Variants in USP25 observed in about 807,000 individuals in gnomAD.
USP25 encodes ubiquitin carboxyl-terminal hydrolase 25.
A neutral mutation model predicts 158.5 loss-of-function variants in USP25; 85 were observed. That is an observed-to-expected ratio of 0.54 (90% CI 0.45 to 0.64). USP25 has a LOEUF of 0.64. Ranked by LOEUF, USP25 falls within the 30% of genes least tolerant of loss-of-function variation. USP25 has a pLI of 0.00. For synonymous variants in USP25, 464 were observed against 460.4 expected (o/e 1.01, Z -0.10); for missense variants, 1,242 against 1,327.3 (o/e 0.94, Z 1.00).
intron 17 of USP25, among the ~76,000 whole-genome samples, chr21:15,839,767 G>A (rs879132070): frequency 1.3e-5 from 2 of 151,960 alleles, no homozygotes; most frequent in Admixed American, 1.3e-4. Flanking sequence ...CCACTTCCCT[G>A]TGAGTAGCCT....
chr21:15,863,860 C>A (rs1401106877), intron 20 of USP25, among the ~76,000 whole-genome samples: 1 of 151,740 alleles, frequency 6.6e-6, no homozygotes, highest in African/African-American at 2.4e-5. Flanking sequence ...CATAGTGAAA[C>A]CCCATCTCTA....
chr21:15,812,858 A>G (rs928851014), intron 9 of USP25, among the ~76,000 whole-genome samples: 9 of 152,080 alleles, frequency 5.9e-5, no homozygotes, highest in African/African-American at 9.7e-5. Context: ...TTTCAAACCA[A>G]TGGTTCTTCA....
At chr21:15,786,203 G>A (rs2123568102) in intron 4 of USP25, among the ~76,000 whole-genome samples, 1 of 152,190 alleles carries the variant, frequency 6.6e-6, no homozygotes, top group Middle Eastern at 3.4e-3. Flanking sequence ...GCTGAAGTGT[G>A]TCAAACATTT....
intron 17 of USP25, among the ~76,000 whole-genome samples, chr21:15,834,551 G>C (rs1475547239): frequency 6.6e-6 from 1 of 152,084 alleles, no homozygotes; most frequent in South Asian, 2.1e-4. Flanking sequence ...ACCTGGTTGG[G>C]CTTCAGCATT....
intron 5 of USP25, among the ~76,000 whole-genome samples, chr21:15,794,497 A>G (rs1027881268): frequency 3.3e-5 from 5 of 151,564 alleles, no homozygotes; most frequent in Admixed American, 6.6e-5. Context: ...TGAGTTAGCT[A>G]TTTGGAGGTG....
intron 21 of USP25, 74 bp downstream of exon 21, chr21:15,864,520 T>C: frequency 7.3e-7 from 1 of 1,368,486 alleles, no homozygotes; most frequent in South Asian, 1.5e-5. Context: ...AGGATAATTT[T>C]TTGAGTATTT....
intron 1 of USP25, among the ~76,000 whole-genome samples, chr21:15,757,921 G>T (rs74712252): frequency 0.07 from 10,652 of 152,246 alleles, 472 homozygotes; most frequent in East Asian, 0.092. Flanking sequence ...TTACTTTGTG[G>T]TTATTAATTT....
chr21:15,772,907 GC>G (rs1417807245), intron 3 of USP25, among the ~76,000 whole-genome samples: 2 of 152,142 alleles, frequency 1.3e-5, no homozygotes, highest in African/African-American at 4.8e-5. Context: ...TCAGGATTCA[GC>G]TATCTTTCAG....
chr21:15,852,521 G>A (rs1232938554), intron 20 of USP25, among the ~76,000 whole-genome samples: 1 of 152,092 alleles, frequency 6.6e-6, no homozygotes, highest in Admixed American at 6.5e-5. Flanking sequence ...TAAATGCTCA[G>A]AATTTAGCTG....
intron 14 of USP25, among the ~76,000 whole-genome samples, chr21:15,827,868 C>CT (rs371874595): frequency 2.5e-3 from 350 of 142,328 alleles, no homozygotes; most frequent in African/African-American, 8.3e-3. Flanking sequence ...TCTATTTTTT[C>CT]TTTTTTTTCA....
chr21:15,811,319 T>C lies in USP25; in HGVS notation c.931+109T>C. The C allele has an allele frequency of 3.1e-6, 3 of 968,512 alleles. No individual in the cohort carries two copies. In the Admixed American group the frequency reaches 8.5e-5, roughly 27 times the overall value. The allele number at this position is 968,512 out of a possible 1,614,324, so 60.0% of individuals were successfully genotyped here. On this transcript the variant is annotated intron_variant, in intron 9 of 25. Transcript: ENST00000400183. The stretch of plus-strand genomic sequence containing the variant: ...TGGACTTTATTTTTAATTTGATATA[T>C]TCTGTCTAGTAATTTTTGTTGGATT...
chr21:15,731,922 A>G (rs139167964), intron 1 of USP25, among the ~76,000 whole-genome samples: 198 of 152,374 alleles, frequency 1.3e-3, no homozygotes, highest in Non-Finnish European at 2.4e-3. Context: ...TCAGTGTTGA[A>G]TATTAAAGTC....
chr21:15,803,644 ATTAC>A (rs2036237261), intron 6 of USP25, among the ~76,000 whole-genome samples: 1 of 151,920 alleles, frequency 6.6e-6, no homozygotes, highest in Admixed American at 6.6e-5. Flanking sequence ...TCCAAAAATT[ATTAC>A]TTCCAATTTT....
chr21:15,840,841 T>C (rs533046158), intron 17 of USP25, among the ~76,000 whole-genome samples: 54 of 152,262 alleles, frequency 3.5e-4, no homozygotes, highest in African/African-American at 1.3e-3. Context: ...ACCGTTGACA[T>C]TATCTGCTAT....
At chr21:15,782,283 T>C (rs6517652) in intron 4 of USP25, among the ~76,000 whole-genome samples, 35,432 of 152,116 alleles carry the variant, frequency 0.23, 5,588 homozygotes, top group African/African-American at 0.45. Context: ...CCAGCTTGAA[T>C]AGCTGGCCCA....
intron 1 of USP25, among the ~76,000 whole-genome samples, chr21:15,748,454 GTTTTTTTTTTTTT>G (rs71331787): frequency 3.8e-5 from 3 of 79,008 alleles, no homozygotes; most frequent in East Asian, 4.0e-4. Context: ...CTACTTTTTA[GTTTTTTTTTTTTT>G]TTTTTTTTTT....
chr21:15,818,602 T>TA (rs2037069709), intron 9 of USP25, 96 bp from the exon 10 acceptor site: 2 of 1,079,900 alleles, frequency 1.9e-6, no homozygotes, highest in South Asian at 1.7e-5. Context: ...CAGTCAGTGT[T>TA]ACAATTTTCA....
chr21:15,858,577 A>G (rs1031613778), intron 20 of USP25, among the ~76,000 whole-genome samples: 17 of 150,454 alleles, frequency 1.1e-4, no homozygotes, highest in African/African-American at 3.9e-4. Flanking sequence ...TTTTCATTTT[A>G]TTTTCTTGAT....
Position 15,858,116 on chromosome 21 carries a change from C to T in USP25, c.2548-6152C>T, listed in dbSNP as rs80203274. Among the ~76,000 whole-genome samples, 1,172 of 152,128 alleles carry T rather than the reference C, an allele frequency of 7.7e-3. 29 individuals carry two copies. In the East Asian group the frequency reaches 0.1, roughly 13 times the overall value. On this transcript the variant is annotated intron_variant, in intron 20 of 25. Coordinates refer to ENST00000400183, the MANE Select transcript of USP25 (RefSeq NM_001283041.3). The stretch of plus-strand genomic sequence containing the variant: ...TTGTAGATCGTTTGTAATACACTTT[C>T]ACATTTTGTTAGAAGAACACTTAGT...
Sources: allele counts gnomAD v4.1 joint callset (sites outside exome capture counted in the v4.1 genomes callset), GRCh38; gene constraint gnomAD v4.1.1; transcripts MANE v1.5; gene names NCBI Gene and HGNC (gene_info 2026-07-23, HGNC 2026-07-21).